The following NSD1 variants were observed in gnomAD, a reference collection of about 807,000 sequenced individuals.
NSD1 encodes the protein nuclear receptor binding SET domain protein 1, also known as histone-lysine N-methyltransferase, H3 lysine-36 specific.
NSD1 carries 26 observed loss-of-function variants against 242.7 expected under a neutral mutation model. That is an observed-to-expected ratio of 0.11 (90% CI 0.08 to 0.15). NSD1 has a LOEUF of 0.15. NSD1 is among the 10% of genes least tolerant of loss of function. NSD1 has a pLI of 1.00. For missense variants in NSD1, 2,495 were observed against 3,272.8 expected (o/e 0.76, Z 5.80); for synonymous variants, 1,106 against 1,178.1 (o/e 0.94, Z 1.25).
chr5:177,284,027 A>G, intron 20 of NSD1, 99 bp downstream of exon 20: 3 of 1,386,308 alleles, frequency 2.2e-6, no homozygotes, highest in African/African-American at 1.4e-5. Context: ...ACATTTCTAT[A>G]TGTACCGTTC....
intron 2 of NSD1, among the ~76,000 whole-genome samples, chr5:177,147,010 A>C (rs1434809568): frequency 6.6e-6 from 1 of 151,358 alleles, no homozygotes; most frequent in South Asian, 2.1e-4. Flanking sequence ...CTGTCTCAAA[A>C]AAAAAAAAAA....
chr5:177,252,465 G>T (rs971421334), intron 12 of NSD1, among the ~76,000 whole-genome samples: 1 of 150,720 alleles, frequency 6.6e-6, no homozygotes, highest in Non-Finnish European at 1.5e-5. Context: ...GCTTAGATTG[G>T]GTTAGAAAAT....
At chr5:177,192,170 C>T (rs1761742033) in intron 3 of NSD1, 151 bp downstream of exon 3, 9 of 667,806 alleles carry the variant, frequency 1.3e-5, no homozygotes, top group South Asian at 4.7e-5. Flanking sequence ...TTTAAAAGTT[C>T]GTTTTACTCT....
rs746971926 is a variant in NSD1, at chr5:177,210,202, G to A, written c.1803G>A (p.Lys601=). The change falls in exon 5 of 23, where the codon AAG becomes AAA. Residue 601 remains lysine (K), a synonymous_variant. Coordinates refer to ENST00000439151, the MANE Select transcript of NSD1 (RefSeq NM_022455.5). ...LGLPEGALIS[K]CSREKNKPQR... ...TGCCTGAGGGTGCTTTGATCTCAAA[G>A]TGTTCTCGAGAGAAGAATAAACCCC... is the stretch of plus-strand genomic sequence containing the variant. 3 of 1,596,662 alleles carry A rather than the reference G, an allele frequency of 1.9e-6. No individual in the cohort carries two copies. The highest frequency in any genetic ancestry group is 2.3e-5 in the South Asian group (2 of 88,398).
chr5:177,247,915 C>T (rs1272410484), intron 10 of NSD1: 2 of 985,292 alleles, frequency 2.0e-6, no homozygotes, highest in Non-Finnish European at 2.4e-6. Context: ...AATGTTTTCT[C>T]TCCCTTAGTG....
In NSD1 at chr5:177,260,134, T is replaced by C. The variant is rs1236285519; in HGVS notation, c.5112T>C (p.His1704=). ...GGCGGGGCTGCCGAAATCATGAGCA[T>C]GTTAATGTTAGCTGGTGCTTTGTGT... ...TPRRGCRNHE[H]VNVSWCFVCS... Residue 1704 remains histidine, a synonymous_variant, in exon 14 of 23, where the codon CAT becomes CAC. Coordinates refer to ENST00000439151, the MANE Select transcript of NSD1 (RefSeq NM_022455.5). 1.2e-6 allele frequency: 2 copies of C among 1,614,092 alleles called. No individual in the cohort carries two copies. Among genetic ancestry groups the C allele is most frequent in the Middle Eastern group, 1.6e-4 (1 of 6,062 alleles).
At chr5:177,146,140 A>C (rs993050128) in intron 2 of NSD1, among the ~76,000 whole-genome samples, 1 of 150,688 alleles carries the variant, frequency 6.6e-6, no homozygotes, top group African/African-American at 2.4e-5. Context: ...TGCAATGGTA[A>C]TATTTTGCAA....
chr5:177,160,314 T>A (rs1056183896), intron 2 of NSD1, among the ~76,000 whole-genome samples: 2 of 151,972 alleles, frequency 1.3e-5, no homozygotes, highest in Non-Finnish European at 2.9e-5. Context: ...TTTCTTTTGT[T>A]TTTTGTTTTT....
intron 2 of NSD1, among the ~76,000 whole-genome samples, chr5:177,179,952 G>T (rs1760521792): frequency 6.6e-6 from 1 of 151,948 alleles, no homozygotes; most frequent in Admixed American, 6.6e-5. Context: ...TCAGGCTGGG[G>T]TGCAGTGGTG....
chr5:177,222,900 A>C (rs1208972887), intron 5 of NSD1, among the ~76,000 whole-genome samples: 1 of 151,972 alleles, frequency 6.6e-6, no homozygotes, highest in East Asian at 1.9e-4. Context: ...TTTGTTTGCT[A>C]TTGTTGGTGT....
chr5:177,221,949 A>G (rs1424786657), intron 5 of NSD1, among the ~76,000 whole-genome samples: 3 of 151,792 alleles, frequency 2.0e-5, no homozygotes, highest in Non-Finnish European at 4.4e-5. Context: ...AGCTGGGACT[A>G]CAGGGTTGTG....
chr5:177,155,946 A>G (rs1311920291), intron 2 of NSD1, among the ~76,000 whole-genome samples: 1 of 150,968 alleles, frequency 6.6e-6, no homozygotes, highest in Non-Finnish European at 1.5e-5. Context: ...CTCAGGTGAT[A>G]TGCCCGACTC....
At chr5:177,276,990 C>A (rs75406472) in intron 17 of NSD1, among the ~76,000 whole-genome samples, 2,872 of 152,236 alleles carry the variant, frequency 0.019, 89 homozygotes, top group African/African-American at 0.063. Context: ...GAAAATAATT[C>A]TATTCACATA....
chr5:177,135,508 C>T lies in NSD1; in HGVS notation c.405C>T (p.Ser135=). The T allele has an allele frequency of 6.2e-7, 1 of 1,614,122 alleles. No homozygotes were observed. The highest frequency in any genetic ancestry group is 8.5e-7 in the Non-Finnish European group (1 of 1,180,038). Residue 135 remains serine, a synonymous_variant, in exon 2 of 23, where the codon TCC becomes TCT. Transcript: ENST00000439151. ...AMKQEPSCNN[S]PELQVKVTKT... Reference sequence around the variant, plus strand: ...AACAGGAACCCTCTTGTAATAACTCCCCTGAACTCCAGGTAAAAGTAACAA... The same window carrying T: ...AACAGGAACCCTCTTGTAATAACTCTCCTGAACTCCAGGTAAAAGTAACAA...
intron 5 of NSD1, among the ~76,000 whole-genome samples, chr5:177,233,003 T>C (rs1765173170): frequency 1.3e-5 from 2 of 152,230 alleles, no homozygotes; most frequent in Non-Finnish European, 2.9e-5. Context: ...TAAGCAGGCA[T>C]GTGTAAGTGT....
intron 2 of NSD1, among the ~76,000 whole-genome samples, chr5:177,155,338 G>A (rs1758041463): frequency 6.6e-6 from 1 of 151,564 alleles, no homozygotes; most frequent in Admixed American, 6.6e-5. Context: ...GTATTGGTCA[G>A]GCTGGTCTGG....
chr5:177,142,376 G>A (rs771211849), intron 2 of NSD1, among the ~76,000 whole-genome samples: 4 of 152,220 alleles, frequency 2.6e-5, no homozygotes, highest in Non-Finnish European at 5.9e-5. Context: ...GCAAAAACTA[G>A]TGTAAACAAT....
intron 2 of NSD1, among the ~76,000 whole-genome samples, chr5:177,168,076 G>A (rs116145215): frequency 0.025 from 3,869 of 152,206 alleles, 50 homozygotes; most frequent in African/African-American, 0.029. Context: ...AGGGAGTATT[G>A]CCATTTTAAC....
chr5:177,165,602 TCTCTTTTTGAGACAAGGTCTTA>T (rs772973390), intron 2 of NSD1, among the ~76,000 whole-genome samples: 66 of 152,028 alleles, frequency 4.3e-4, no homozygotes, highest in East Asian at 1.4e-3. Context: ...TCTTTTTCTT[TCTCTTTTTGAGACAAGGTCTTA>T]CTCTGTTGCC....
Sources: allele counts gnomAD v4.1 joint callset (sites outside exome capture counted in the v4.1 genomes callset), GRCh38; gene constraint gnomAD v4.1.1; transcripts MANE v1.5; gene names NCBI Gene and HGNC (gene_info 2026-07-23, HGNC 2026-07-21).